FMO2: variants seen among roughly 807,000 people sequenced by gnomAD.
FMO2 encodes the protein flavin containing dimethylaniline monoxygenase 2, also known as flavin-containing monooxygenase 2.
FMO2 carries 33 observed loss-of-function variants against 41.6 expected under a neutral mutation model. That is an observed-to-expected ratio of 0.79 (90% CI 0.60 to 1.06). The LOEUF (loss-of-function observed/expected upper bound fraction) is 1.06, where lower values mean the gene tolerates loss of function less well. FMO2 is among the 50% of genes least tolerant of loss of function. FMO2 has a pLI of 0.00. For missense variants in FMO2, 619 were observed against 632.9 expected (o/e 0.98, Z 0.23); for synonymous variants, 214 against 219.6 (o/e 0.97, Z 0.23).
chr1:171,203,876 C>A lies in FMO2; in HGVS notation c.639C>A (p.Ser213Arg). The A allele has an allele frequency of 6.2e-7, 1 of 1,613,252 alleles. No homozygotes were observed. Among genetic ancestry groups the A allele is most frequent in the East Asian group, 2.2e-5 (1 of 44,854 alleles). Residue 213 changes from serine to arginine, a missense_variant, in exon 6 of 9, where the codon AGC becomes AGA. Physicochemically the swap from Ser to Arg is moderately radical, Grantham distance 110 (BLOSUM62 -1). Transcript: ENST00000209929. The stretch of plus-strand genomic sequence containing the variant: ...TTTTTGCTTGCCAGGTTTTTATCAG[C>A]ACCAGGCATGGCACCTGGGTCATGA... ...LSKNAAQVFI[S>R]TRHGTWVMSR...
intron 2 of FMO2, among the ~76,000 whole-genome samples, chr1:171,189,622 C>G (rs1471294184): frequency 6.9e-6 from 1 of 145,764 alleles, no homozygotes. Flanking sequence ...GGGAGAGCTT[C>G]TAAAATACAG....
chr1:171,210,402 T>A lies in FMO2; in HGVS notation c.*1257T>A, dbSNP rs959142339. 6.6e-6 allele frequency: 1 copy of A among 152,234 alleles called. No homozygotes were observed. The highest frequency in any genetic ancestry group is 1.5e-5 in the Non-Finnish European group (1 of 68,042). 9.4% of individuals were successfully genotyped at this position (152,234 alleles called of 1,614,324 possible). On this transcript the variant is annotated 3_prime_UTR_variant, in exon 9 of 9. Transcript: ENST00000209929. ...GGCAAAAAGCTAAATAAACAATATG[T>A]AACCTCTAACATTTGGTAAAAGGAA...
rs1002678593 is a variant in FMO2 at position 171,212,300 on chromosome 1, T to A, written c.*3155T>A. ...ACTCTTTTTCCCTTCTGCCTTCACC[T>A]TTGCCGTGGGTGGACACAGCAAGAA... On this transcript the variant is annotated 3_prime_UTR_variant, in exon 9 of 9. Coordinates refer to ENST00000209929, the MANE Select transcript of FMO2 (RefSeq NM_001460.5). 1.4e-4 allele frequency among the ~76,000 whole-genome samples: 21 copies of A among 152,174 alleles called. No individual in the cohort carries two copies. The highest frequency in any genetic ancestry group is 4.6e-4 in the African/African-American group (19 of 41,444).
chr1:171,202,002 C>T (rs1658560505), intron 5 of FMO2, among the ~76,000 whole-genome samples: 1 of 152,130 alleles, frequency 6.6e-6, no homozygotes, highest in African/African-American at 2.4e-5. Context: ...CACAGCCAAA[C>T]CATATTAGTC....
intron 1 of FMO2, 82 bp from the exon 2 acceptor site, chr1:171,185,626 A>G: frequency 1.4e-6 from 2 of 1,397,660 alleles, no homozygotes; most frequent in South Asian, 2.5e-5. Flanking sequence ...CAATGTTTAA[A>G]GCCAATTACC....
At chr1:171,193,661 T>A in intron 3 of FMO2, 138 bp downstream of exon 3, 2 of 622,926 alleles carry the variant, frequency 3.2e-6, no homozygotes, top group African/African-American at 1.9e-5. Flanking sequence ...CAGCCTCATA[T>A]AAAACCCAAA....
intron 2 of FMO2, among the ~76,000 whole-genome samples, chr1:171,186,783 T>A (rs1657871859): frequency 6.6e-6 from 1 of 152,096 alleles, no homozygotes; most frequent in Non-Finnish European, 1.5e-5. Context: ...CTATAAGGAG[T>A]TACAATTATT....
intron 7 of FMO2, among the ~76,000 whole-genome samples, chr1:171,205,894 G>A (rs144483014): frequency 2.4e-3 from 366 of 152,274 alleles, no homozygotes; most frequent in Non-Finnish European, 4.0e-3. Flanking sequence ...ATAAAGCTAA[G>A]TGCATGTTAA....
chr1:171,205,285 T>G lies in FMO2; in HGVS notation c.834T>G (p.Ile278Met). Residue 278 changes from isoleucine (I) to methionine (M), a missense_variant, in exon 7 of 9, where the codon ATT (isoleucine) becomes ATG (methionine). Transcript: ENST00000209929. ...NYGLEPQNKY[I>M]MKEPVLNDDV... ...TTTCTTCTGTATGTCTCAGATACATTATGAAGGAACCTGTACTAAATGATG... is the reference window on the plus strand; with the variant it reads ...TTTCTTCTGTATGTCTCAGATACATGATGAAGGAACCTGTACTAAATGATG... The G allele has an allele frequency of 6.3e-7, 1 of 1,597,532 alleles. No homozygotes were observed. The highest frequency in any genetic ancestry group is 8.6e-7 in the Non-Finnish European group (1 of 1,167,626).
chr1:171,205,159 G>C, intron 6 of FMO2, 120 bp from the exon 7 acceptor site: 1 of 587,714 alleles, frequency 1.7e-6, no homozygotes. Context: ...AGTTAAGTTA[G>C]AGTTTTACAG....
intron 4 of FMO2, among the ~76,000 whole-genome samples, chr1:171,197,849 T>TG (rs1658365144): frequency 6.6e-6 from 1 of 152,236 alleles, no homozygotes; most frequent in Non-Finnish European, 1.5e-5. Flanking sequence ...TATGCTGCCT[T>TG]GGGACTCTTC....
chr1:171,187,303 G>C (rs1657891208), intron 2 of FMO2, among the ~76,000 whole-genome samples: 2 of 152,152 alleles, frequency 1.3e-5, no homozygotes. Flanking sequence ...CAAAAGGTTT[G>C]AATACATGAA....
chr1:171,196,417 A>G (rs1436397312), intron 3 of FMO2, among the ~76,000 whole-genome samples: 1 of 149,064 alleles, frequency 6.7e-6, no homozygotes, highest in Non-Finnish European at 1.5e-5. Flanking sequence ...GCCTTTCCCA[A>G]TTCTATTTGT....
chr1:171,199,287 A>G, intron 4 of FMO2, 59 bp from the exon 5 acceptor site: 34 of 1,462,016 alleles, frequency 2.3e-5, no homozygotes, highest in Non-Finnish European at 3.1e-5. Flanking sequence ...AGTTTTATTG[A>G]AATTAGCTTG....
intron 2 of FMO2, among the ~76,000 whole-genome samples, chr1:171,191,860 CAAA>C (rs61114452): frequency 6.0e-4 from 44 of 73,756 alleles, no homozygotes; most frequent in Admixed American, 8.5e-4. Context: ...CTCATCTCTA[CAAA>C]AAAAAAAAAA....
chr1:171,187,804 A>G (rs1236617890), intron 2 of FMO2, among the ~76,000 whole-genome samples: 1 of 152,084 alleles, frequency 6.6e-6, no homozygotes, highest in Non-Finnish European at 1.5e-5. Context: ...TCTACTATCT[A>G]AACACACTCA....
rs1224008716 is a variant in FMO2 at position 171,211,622 on chromosome 1, T to C, written c.*2477T>C. On this transcript the variant is annotated 3_prime_UTR_variant, in exon 9 of 9. Transcript: ENST00000209929. Reference sequence around the variant, plus strand: ...CAAATGTTCTGGTATCTTTGAAAAATGTAAATAGTTTATTTATAGAGAACC... The same window carrying C: ...CAAATGTTCTGGTATCTTTGAAAAACGTAAATAGTTTATTTATAGAGAACC... 6.6e-6 allele frequency among the ~76,000 whole-genome samples: 1 copy of C among 152,162 alleles called. No homozygotes were observed. The highest frequency in any genetic ancestry group is 2.4e-5 in the African/African-American group (1 of 41,428).
At position 171,193,377 on chromosome 1, in the gene FMO2, G is replaced by C. The variant is rs55708639; in HGVS notation, c.175G>C (p.Val59Leu). The part of the protein sequence containing the change: ...DGRASIYQSV[V>L]TNTSKEMSCF... ...CCGAGCAAGTATCTATCAATCTGTC[G>C]TTACCAACACCAGCAAAGAAATGTC... The change falls in exon 3 of 9, where the codon GTT (valine) becomes CTT (leucine). Residue 59 changes from valine to leucine, a missense_variant. Coordinates refer to ENST00000209929, the MANE Select transcript of FMO2 (RefSeq NM_001460.5). The C allele has an allele frequency of 4.0e-5, 65 of 1,612,864 alleles. 1 individual carries two copies. The African/African-American group carries it at 6.8e-4, about 17-fold the overall frequency.
In FMO2 at chr1:171,187,643, A is replaced by T. The variant is rs977475436; in HGVS notation, c.132+1798A>T. On this transcript the variant is annotated intron_variant, in intron 2 of 8. Coordinates refer to ENST00000209929, the MANE Select transcript of FMO2 (RefSeq NM_001460.5). ...ACCTGCCACCAAAAAAAAAAAAAAA[A>T]AAAAAAAAAAATACTGATTTGTGGG... is the stretch of plus-strand genomic sequence containing the variant. Among the ~76,000 whole-genome samples the T allele has an allele frequency of 3.5e-3, 536 of 151,622 alleles. 5 individuals carry two copies. The highest frequency in any genetic ancestry group is 0.012 in the African/African-American group (509 of 41,390).
Sources: gnomAD v4.1 joint callset for allele counts (sites outside exome capture counted in the v4.1 genomes callset) on GRCh38, gnomAD v4.1.1 for gene constraint, MANE v1.5 for transcripts, NCBI Gene and HGNC (gene_info 2026-07-23, HGNC 2026-07-21) for gene names.